SRMS: variants seen among roughly 807,000 people sequenced by gnomAD.
The protein encoded by SRMS is tyrosine-protein kinase Srms.
Under a neutral mutation model 43.5 loss-of-function variants are expected in SRMS, and 42 were observed. The observed-to-expected ratio is 0.97, with a 90% CI of 0.75 to 1.25. The LOEUF (loss-of-function observed/expected upper bound fraction) is 1.25, where lower values mean the gene tolerates loss of function less well. Ranked by LOEUF, SRMS falls within the 50% of genes most tolerant of loss-of-function variation. SRMS has a pLI of 0.00. For missense variants in SRMS, 703 were observed against 681.0 expected (o/e 1.03, Z -0.36); for synonymous variants, 316 against 308.2 (o/e 1.03, Z -0.27).
rs2082710451 is a variant in SRMS at position 63,542,480 on chromosome 20, C to A, written c.747G>T (p.Trp249Cys). The A allele has an allele frequency of 6.2e-7, 1 of 1,612,540 alleles. No individual in the cohort carries two copies. The highest frequency in any genetic ancestry group is 1.1e-5 in the South Asian group (1 of 91,068). ...TGATCGCCACGGGCAGGGAGCCCAG[C>A]CACAGGCCTTCCCACACCTCCCCAA... is the stretch of plus-strand genomic sequence containing the variant. ...GYFGEVWEGL[W>C]LGSLPVAIKV... Residue 249 changes from tryptophan (W) to cysteine (C), a missense_variant, in exon 4 of 8, where the codon TGG (tryptophan) becomes TGT (cysteine). By Grantham distance (215) the Trp-to-Cys change is radical (BLOSUM62 -2). Coordinates refer to ENST00000217188, the MANE Select transcript of SRMS (RefSeq NM_080823.4).
At chr20:63,542,654 C>A in intron 3 of SRMS, 73 bp from the exon 4 acceptor site, 1 of 1,497,252 alleles carries the variant, frequency 6.7e-7, no homozygotes, top group Non-Finnish European at 8.9e-7. Context: ...GCCCCCCACA[C>A]CAGGCCTCTG....
intron 5 of SRMS, among the ~76,000 whole-genome samples, chr20:63,541,948 G>C (rs2082706404): frequency 6.6e-6 from 1 of 152,172 alleles, no homozygotes; most frequent in African/African-American, 2.4e-5. Flanking sequence ...ACCAGCTCCA[G>C]CCCCGGAGCC....
intron 1 of SRMS, among the ~76,000 whole-genome samples, chr20:63,544,579 G>A (rs987768330): frequency 1.3e-5 from 2 of 152,254 alleles, no homozygotes; most frequent in African/African-American, 4.8e-5. Context: ...TGGGCTCTCC[G>A]TTAGCCCTGC....
At position 63,544,214 on chromosome 20, in the gene SRMS, C is replaced by T. The variant is rs544430244; in HGVS notation, c.478+13G>A. 2.8e-6 allele frequency: 4 copies of T among 1,436,866 alleles called. No homozygotes were observed. Among genetic ancestry groups the T allele is most frequent in the Admixed American group, 6.0e-5 (2 of 33,400 alleles). The allele number at this position is 1,436,866 out of a possible 1,614,324, so 89.0% of individuals were successfully genotyped here. A position where few individuals can be genotyped will look rare whatever the true frequency, so the allele number is the denominator to read the frequency against. On this transcript the variant is annotated intron_variant, in intron 2 of 7. Transcript: ENST00000217188. The stretch of plus-strand genomic sequence containing the variant: ...TGGTGGGGGACAGAGGCAGGAGGGG[C>T]CGCCCCAGGTACCTGACAGTGAGTA...
Position 63,547,414 on chromosome 20 carries a change from T to A in SRMS, c.50A>T (p.Asp17Val). The A allele has an allele frequency of 6.4e-7, 1 of 1,551,088 alleles. No individual in the cohort carries two copies. The highest frequency in any genetic ancestry group is 2.4e-5 in the East Asian group (1 of 40,924). ...CTCGCCGCCCGCCGGCCAGATCTTG[T>A]CCCAGAAGAAGGACAGGAAGGCCAG... ...RRLAFLSFFWDKIWPAGGEPD... is the reference protein window; with the variant it reads ...RRLAFLSFFWVKIWPAGGEPD... Residue 17 changes from aspartate to valine, a missense_variant, in exon 1 of 8, where the codon GAC becomes GTC. Asp to Val is a radical substitution (Grantham distance 152). Transcript: ENST00000217188.
At chr20:63,543,290 G>C (rs200690195) in intron 3 of SRMS, 24 bp downstream of exon 3, 1 of 1,609,368 alleles carries the variant, frequency 6.2e-7, no homozygotes, top group East Asian at 2.2e-5. Context: ...CCAGCATGGG[G>C]CAGCTTGGCA....
chr20:63,547,532 G>A lies in SRMS; in HGVS notation c.-69C>T, dbSNP rs967223300. 1 of 1,379,484 alleles carries A rather than the reference G, an allele frequency of 7.2e-7. No homozygotes were observed. Among genetic ancestry groups the A allele is most frequent in the Admixed American group, 3.1e-5 (1 of 32,216 alleles). 85.5% of individuals were successfully genotyped at this position (1,379,484 alleles called of 1,614,324 possible). On this transcript the variant is annotated 5_prime_UTR_variant, in exon 1 of 8. Transcript: ENST00000217188. ...CGAGCCCGGAAGAGGAACTGGCAGG[G>A]CCGGTGGGACCCGGTGTCCAGCGCT...
In SRMS at chr20:63,538,944, C is replaced by T. The variant is rs561391872; in HGVS notation, c.*1874G>A. 5.3e-5 allele frequency among the ~76,000 whole-genome samples: 8 copies of T among 152,226 alleles called. No homozygotes were observed. The highest frequency in any genetic ancestry group is 1.0e-4 in the Non-Finnish European group (7 of 67,970). Reference sequence around the variant, plus strand: ...CCAAACCTGTTCAGCTGGTGGCTGGCGAGATGCCTAGGAGGGCACAGGTGC... The same window carrying T: ...CCAAACCTGTTCAGCTGGTGGCTGGTGAGATGCCTAGGAGGGCACAGGTGC... On this transcript the variant is annotated 3_prime_UTR_variant, in exon 8 of 8. Transcript: ENST00000217188.
Position 63,541,486 on chromosome 20 carries a change from C to G in SRMS, c.1081G>C (p.Gly361Arg). Reference protein sequence around the residue: ...LAARNVLVDDGLACKVADFGL... With the variant: ...LAARNVLVDDRLACKVADFGL... ...AAGTCAGCCACCTTGCAGGCCAGGC[C>G]GTCGTCCACGAGCACGTTCCGGGCG... Residue 361 changes from glycine to arginine, a missense_variant, in exon 6 of 8, where the codon GGC becomes CGC. By Grantham distance (125) the Gly-to-Arg change is moderately radical (BLOSUM62 -2). Coordinates refer to ENST00000217188, the MANE Select transcript of SRMS (RefSeq NM_080823.4). 6.2e-7 allele frequency: 1 copy of G among 1,608,290 alleles called. No homozygotes were observed. Among genetic ancestry groups the G allele is most frequent in the Non-Finnish European group, 8.5e-7 (1 of 1,179,310 alleles).
At chr20:63,541,371 G>C in intron 6 of SRMS, 24 bp from the exon 7 acceptor site, 1 of 1,545,478 alleles carries the variant, frequency 6.5e-7, no homozygotes, top group Non-Finnish European at 8.7e-7. Flanking sequence ...AAGGCCCCTG[G>C]TAGGGCAGGT....
rs758588474 is a variant in SRMS, at chr20:63,547,469, G to C, written c.-6C>G. 6 of 1,480,498 alleles carry C rather than the reference G, an allele frequency of 4.1e-6. No individual in the cohort carries two copies. In the African/African-American group the frequency reaches 7.1e-5, roughly 18 times the overall value. The allele number at this position is 1,480,498 out of a possible 1,614,324, so 91.7% of individuals were successfully genotyped here. ...CTCCTGAGGAACGGCTCCATCCCCC[G>C]GGGTCACCACGCTGGGCCCGAGGGC... On this transcript the variant is annotated 5_prime_UTR_variant, in exon 1 of 8. Coordinates refer to ENST00000217188, the MANE Select transcript of SRMS (RefSeq NM_080823.4).
chr20:63,541,161 C>T (rs59136985), intron 7 of SRMS, 30 bp downstream of exon 7: 8 of 1,547,058 alleles, frequency 5.2e-6, no homozygotes, highest in Middle Eastern at 1.7e-4. Context: ...GCAGAGCCTG[C>T]ATCCTCCCTC....
Position 63,547,737 on chromosome 20 carries a change from GC to G in SRMS, c.-275del, listed in dbSNP as rs2082742107. The stretch of plus-strand genomic sequence containing the variant: ...GCACCTCCTGTCCTCGACCTCCTTG[GC>G]GTCTGGAGTGCACCGTCCCCTCCCC... On this transcript the variant is annotated 5_prime_UTR_variant, in exon 1 of 8. Transcript: ENST00000217188. Among the ~76,000 whole-genome samples the G allele has an allele frequency of 6.6e-6, 1 of 152,198 alleles. No individual in the cohort carries two copies.
Position 63,541,303 on chromosome 20 carries a change from C to A in SRMS, c.1173G>T (p.Lys391Asn). ...SPSSSSKIPV[K>N]WTAPEAANYR... ...AATTGGCCGCCTCAGGCGCTGTCCA[C>A]TTGACCGGGATCTTGGAGCTGCTGC... The change falls in exon 7 of 8, where the codon AAG becomes AAT. Residue 391 changes from lysine to asparagine, a missense_variant. Lys to Asn is a moderately conservative substitution (Grantham distance 94). Coordinates refer to ENST00000217188, the MANE Select transcript of SRMS (RefSeq NM_080823.4). 6.4e-7 allele frequency: 1 copy of A among 1,554,200 alleles called. No homozygotes were observed. Among genetic ancestry groups the A allele is most frequent in the South Asian group, 1.2e-5 (1 of 82,668 alleles).
Position 63,542,420 on chromosome 20 carries a change from G to A in SRMS, c.787+20C>T, listed in dbSNP as rs766345648. 43 of 1,604,932 alleles carry A rather than the reference G, an allele frequency of 2.7e-5. 1 individual carries two copies. In the East Asian group the frequency reaches 4.9e-4, roughly 18 times the overall value. ...AGCAGGTGCGGGGCCCGGCCGTGGC[G>A]CAGGATCTCGGGGCCTCACCTGACT... is the stretch of plus-strand genomic sequence containing the variant. On this transcript the variant is annotated intron_variant, in intron 4 of 7. Coordinates refer to ENST00000217188, the MANE Select transcript of SRMS (RefSeq NM_080823.4).
Position 63,540,876 on chromosome 20 carries a change from C to T in SRMS, c.1409G>A (p.Arg470Gln), listed in dbSNP as rs766740893. 62 of 1,605,880 alleles carry T rather than the reference C, an allele frequency of 3.9e-5. No homozygotes were observed. Among genetic ancestry groups the T allele is most frequent in the Admixed American group, 1.8e-4 (11 of 59,968 alleles). Residue 470 changes from arginine to glutamine, a missense_variant, in exon 8 of 8, where the codon CGG (arginine) becomes CAG (glutamine). Transcript: ENST00000217188. Reference protein sequence around the residue: ...LECWRSSPEERPSFATLREKL... With the variant: ...LECWRSSPEEQPSFATLREKL... ...CTCCCGCAGCGTGGCGAAGGAGGGC[C>T]GTTCCTCGGGGCTGCTCCTCCAGCA...
In SRMS at chr20:63,543,446, G is replaced by A. The variant is rs773695909; in HGVS notation, c.513C>T (p.Val171=). The A allele has an allele frequency of 1.2e-6, 2 of 1,612,640 alleles. No homozygotes were observed. Among genetic ancestry groups the A allele is most frequent in the African/African-American group, 1.3e-5 (1 of 74,944 alleles). Residue 171 remains valine (V), a synonymous_variant, in exon 3 of 8, where the codon GTC becomes GTT. Coordinates refer to ENST00000217188, the MANE Select transcript of SRMS (RefSeq NM_080823.4). ...RAQAKVCHYR[V]SMAADGSLYL... ...AGAGGCTGCCATCAGCTGCCATGGAGACCCGGTAGTGGCAGACCTTGGCCT... is the reference window on the plus strand; with the variant it reads ...AGAGGCTGCCATCAGCTGCCATGGAAACCCGGTAGTGGCAGACCTTGGCCT...
Position 63,547,645 on chromosome 20 carries a change from G to T in SRMS, c.-182C>A. On this transcript the variant is annotated 5_prime_UTR_variant, in exon 1 of 8. Transcript: ENST00000217188. ...ATCCAGGAGGCACACGGTTCCCACC[G>T]GCGTCCGGGCTGGCGTTGGGGCTGG... 2 of 578,234 alleles carry T rather than the reference G, an allele frequency of 3.5e-6. No homozygotes were observed. The highest frequency in any genetic ancestry group is 5.7e-6 in the Non-Finnish European group (2 of 349,722). 35.8% of individuals were successfully genotyped at this position (578,234 alleles called of 1,614,324 possible).
Position 63,540,798 on chromosome 20 carries a change from G to T in SRMS, c.*20C>A, listed in dbSNP as rs1050328531. 1.3e-6 allele frequency: 2 copies of T among 1,577,940 alleles called. No individual in the cohort carries two copies. Among genetic ancestry groups the T allele is most frequent in the East Asian group, 2.3e-5 (1 of 44,260 alleles). Reference sequence around the variant, plus strand: ...GGGGCTGGCCTGGCTGGAGCCCAGAGCGTTGGGTCACGTGAGGACTCAGGG... The same window carrying T: ...GGGGCTGGCCTGGCTGGAGCCCAGATCGTTGGGTCACGTGAGGACTCAGGG... On this transcript the variant is annotated 3_prime_UTR_variant, in exon 8 of 8. Coordinates refer to ENST00000217188, the MANE Select transcript of SRMS (RefSeq NM_080823.4).
Sources: allele counts gnomAD v4.1 joint callset (sites outside exome capture counted in the v4.1 genomes callset), GRCh38; gene constraint gnomAD v4.1.1; transcripts MANE v1.5; gene names NCBI Gene and HGNC (gene_info 2026-07-23, HGNC 2026-07-21).